GRIK3: variants seen among roughly 807,000 people sequenced by gnomAD.
GRIK3 encodes glutamate receptor ionotropic, kainate 3.
GRIK3 carries 29 observed loss-of-function variants against 102.5 expected under a neutral mutation model. That is an observed-to-expected ratio of 0.28 (90% CI 0.21 to 0.39). The LOEUF (loss-of-function observed/expected upper bound fraction) is 0.39, where lower values mean the gene tolerates loss of function less well. GRIK3 is among the 10% of genes least tolerant of loss of function. The probability of loss-of-function intolerance (pLI) is 1.00; values close to 1 mark genes in which losing one functional copy is unlikely to be tolerated. For missense variants in GRIK3, 908 were observed against 1,252.4 expected (o/e 0.73, Z 4.15); for synonymous variants, 511 against 504.9 (o/e 1.01, Z -0.16).
intron 1 of GRIK3, among the ~76,000 whole-genome samples, chr1:36,956,993 C>A (rs563261257): frequency 6.6e-6 from 1 of 152,372 alleles, no homozygotes; most frequent in African/African-American, 2.4e-5. Context: ...TGCCCAGCAC[C>A]CAAGGGAGAC....
intron 1 of GRIK3, among the ~76,000 whole-genome samples, chr1:36,899,217 G>T (rs753609035): frequency 6.6e-5 from 10 of 152,078 alleles, no homozygotes; most frequent in Non-Finnish European, 1.0e-4. Context: ...TATATCAAAA[G>T]ACACTATTAA....
intron 1 of GRIK3, among the ~76,000 whole-genome samples, chr1:36,948,351 T>G (rs1641807011): frequency 6.6e-6 from 1 of 152,216 alleles, no homozygotes; most frequent in Non-Finnish European, 1.5e-5. Flanking sequence ...CCAGGCTCCA[T>G]GCTGAGAAAG....
intron 1 of GRIK3, among the ~76,000 whole-genome samples, chr1:37,032,612 G>A (rs1187348196): frequency 6.6e-6 from 1 of 152,194 alleles, no homozygotes; most frequent in East Asian, 1.9e-4. Context: ...AAAGGGTTAA[G>A]CCTGACCATA....
Position 36,841,841 on chromosome 1 carries a change from G to A in GRIK3, c.1425C>T (p.His475=), listed in dbSNP as rs749245914. Residue 475 remains histidine (H), a synonymous_variant, in exon 10 of 16, where the codon CAC becomes CAT. Transcript: ENST00000373091. ...YCIDLLKELA[H]ILGFSYEIRL... Reference sequence around the variant, plus strand: ...GGATCTCATAGGAGAAACCAAGGATGTGGGCCAGCTCCTTTAGCAGGTCGA... The same window carrying A: ...GGATCTCATAGGAGAAACCAAGGATATGGGCCAGCTCCTTTAGCAGGTCGA... 11 of 1,613,996 alleles carry A rather than the reference G, an allele frequency of 6.8e-6. No homozygotes were observed. The East Asian group carries it at 1.1e-4, about 16-fold the overall frequency.
At chr1:36,953,271 A>G (rs1000668822) in intron 1 of GRIK3, among the ~76,000 whole-genome samples, 7 of 152,082 alleles carry the variant, frequency 4.6e-5, no homozygotes, top group Non-Finnish European at 1.0e-4. Flanking sequence ...TCCCAGCTTG[A>G]GCAGAACAGA....
In GRIK3 at chr1:37,034,163, G is replaced by C; in HGVS notation, c.-55C>G. On this transcript the variant is annotated 5_prime_UTR_variant, in exon 1 of 16. Coordinates refer to ENST00000373091, the MANE Select transcript of GRIK3 (RefSeq NM_000831.4). ...GCGGCCGTGGCGGGCTCCCTGGGGC[G>C]GCAGCTCTAGGCGCGGGCGCGCAGC... 4 of 802,116 alleles carry C rather than the reference G, an allele frequency of 5.0e-6. No individual in the cohort carries two copies. The highest frequency in any genetic ancestry group is 3.9e-5 in the Admixed American group (1 of 25,806). The allele number at this position is 802,116 out of a possible 1,614,324, so 49.7% of individuals were successfully genotyped here. A position where few individuals can be genotyped will look rare whatever the true frequency, so the allele number is the denominator to read the frequency against.
intron 1 of GRIK3, among the ~76,000 whole-genome samples, chr1:36,923,338 A>G (rs1641494114): frequency 6.6e-6 from 1 of 152,208 alleles, no homozygotes; most frequent in African/African-American, 2.4e-5. Flanking sequence ...GGCCTAATCC[A>G]TCTGTTAAAG....
At chr1:37,018,896 T>C (rs1325499827) in intron 1 of GRIK3, among the ~76,000 whole-genome samples, 1 of 152,146 alleles carries the variant, frequency 6.6e-6, no homozygotes, top group Non-Finnish European at 1.5e-5. Context: ...GGAGCAAAAG[T>C]ACAGCCATTT....
intron 1 of GRIK3, among the ~76,000 whole-genome samples, chr1:36,952,252 A>ACGATGTC (rs1253043164): frequency 6.6e-6 from 1 of 152,148 alleles, no homozygotes; most frequent in East Asian, 1.9e-4. Context: ...CTCAGGGCCC[A>ACGATGTC]CGATGTCCGT....
intron 1 of GRIK3, among the ~76,000 whole-genome samples, chr1:37,024,457 T>TTATTATTATTA: frequency 6.7e-6 from 1 of 149,012 alleles, no homozygotes; most frequent in South Asian, 2.1e-4. Context: ...ATTATTATTA[T>TTATTATTATTA]TATTATTATT....
intron 4 of GRIK3, among the ~76,000 whole-genome samples, chr1:36,870,830 AGGAGCTACAT>A (rs1640834671): frequency 6.7e-6 from 1 of 149,468 alleles, no homozygotes; most frequent in South Asian, 2.1e-4. Context: ...GTGATAAATG[AGGAGCTACAT>A]GGACCCGGCA....
At chr1:36,805,332 C>T (rs1642486851) in intron 14 of GRIK3, 95 bp from the exon 15 acceptor site, 2 of 1,311,902 alleles carry the variant, frequency 1.5e-6, no homozygotes, top group South Asian at 2.8e-5. Context: ...CACCACTAGC[C>T]CTCTGGATCA....
At chr1:36,859,782 G>C in intron 6 of GRIK3, 62 bp downstream of exon 6, 2 of 1,256,092 alleles carry the variant, frequency 1.6e-6, no homozygotes, top group Non-Finnish European at 2.3e-6. Context: ...AGAGGAAGGA[G>C]AGAAGAAAAG....
rs1642674055 is a variant in GRIK3, at chr1:36,819,558, A to AG, written c.1873+177dup. On this transcript the variant is annotated intron_variant, in intron 12 of 15. Transcript: ENST00000373091. This position sits in a 1 kb window ranked among gnomAD's most constrained non-coding sequence, Gnocchi z 4.1. ...TCCAGCCAGAGTGAAGGTGGAAGTT[A>AG]GGGGTCTGGGGCAAGGGCACACACC... Among the ~76,000 whole-genome samples the AG allele has an allele frequency of 1.3e-5, 2 of 152,184 alleles. No homozygotes were observed. Among genetic ancestry groups the AG allele is most frequent in the Admixed American group, 1.3e-4 (2 of 15,272 alleles).
At chr1:36,841,974 T>C in intron 9 of GRIK3, 35 bp from the exon 10 acceptor site, 1 of 1,565,730 alleles carries the variant, frequency 6.4e-7, no homozygotes, top group Non-Finnish European at 8.8e-7. Flanking sequence ...TGACGAAGAC[T>C]GAGCAGCTAG....
intron 4 of GRIK3, among the ~76,000 whole-genome samples, chr1:36,870,233 A>T (rs150875702): frequency 1.3e-5 from 2 of 151,722 alleles, no homozygotes; most frequent in East Asian, 3.9e-4. Flanking sequence ...TTTCCCCCCA[A>T]CCCTGCTAAC....
chr1:37,008,204 A>C (rs899374073), intron 1 of GRIK3, among the ~76,000 whole-genome samples: 1 of 152,242 alleles, frequency 6.6e-6, no homozygotes, highest in South Asian at 2.1e-4. Context: ...AGGAAGAGCC[A>C]GACTTGGGGC....
At chr1:37,003,021 G>GTTTT (rs68098848) in intron 1 of GRIK3, among the ~76,000 whole-genome samples, 1 of 111,006 alleles carries the variant, frequency 9.0e-6, no homozygotes, top group African/African-American at 3.2e-5. Context: ...AAAAGCTGTT[G>GTTTT]TTTTTTTTTT....
intron 1 of GRIK3, among the ~76,000 whole-genome samples, chr1:37,027,156 G>T (rs897825779): frequency 6.6e-6 from 1 of 152,084 alleles, no homozygotes; most frequent in South Asian, 2.1e-4. Flanking sequence ...AAGGACCTGG[G>T]CAGCTGAGCT....
Sources: allele counts gnomAD v4.1 joint callset (sites outside exome capture counted in the v4.1 genomes callset), GRCh38; gene constraint gnomAD v4.1.1; non-coding constraint Gnocchi (gnomAD v3.1); transcripts MANE v1.5; gene names NCBI Gene and HGNC (gene_info 2026-07-23, HGNC 2026-07-21).